Variants in DMD observed in about 807,000 individuals in gnomAD.
The protein encoded by DMD is mutant dystrophin.
In DMD, 63 loss-of-function variants were observed where a neutral mutation model predicts 330.1. The observed-to-expected ratio is 0.19, with a 90% CI of 0.16 to 0.24. The LOEUF (loss-of-function observed/expected upper bound fraction) is 0.24, where lower values mean the gene tolerates loss of function less well. DMD is among the 10% of genes least tolerant of loss of function. The probability of loss-of-function intolerance (pLI) is 1.00; values close to 1 mark genes in which losing one functional copy is unlikely to be tolerated. For missense variants in DMD, 3,344 were observed against 2,684.1 expected (o/e 1.25, Z -5.43); for synonymous variants, 1,223 against 959.8 (o/e 1.27, Z -5.07).
intron 7 of DMD, among the ~76,000 whole-genome samples, chrX:32,757,457 G>C (rs1009657262): frequency 3.2e-4 from 36 of 111,306 alleles, no homozygotes; most frequent in African/African-American, 1.1e-3. Context: ...TGGTTTGGTT[G>C]TTTCTTCCCC....
chrX:31,471,963 G>T (rs751546039), intron 59 of DMD, among the ~76,000 whole-genome samples: 4 of 111,790 alleles, frequency 3.6e-5, no homozygotes, highest in African/African-American at 1.3e-4. Flanking sequence ...TAAAACCCTG[G>T]TTACTCCAAA....
At chrX:32,906,223 C>G (rs1447341185) in intron 2 of DMD, among the ~76,000 whole-genome samples, 1 of 111,063 alleles carries the variant, frequency 9.0e-6, no homozygotes, top group Non-Finnish European at 1.9e-5. Flanking sequence ...TGGGCTCTCA[C>G]GAGATCTGGT....
intron 2 of DMD, among the ~76,000 whole-genome samples, chrX:32,887,689 T>C (rs1464648065): frequency 1.1e-5 from 1 of 88,399 alleles, no homozygotes; most frequent in Non-Finnish European, 2.1e-5. Flanking sequence ...TGGAGGTTGC[T>C]GTGAGCCTAG....
At chrX:33,280,788 A>G (rs749975206) in intron 1 of DMD, among the ~76,000 whole-genome samples, 21 of 112,259 alleles carry the variant, frequency 1.9e-4, no homozygotes, top group Non-Finnish European at 3.6e-4. Flanking sequence ...TTTCACTGAT[A>G]TATGAGTCTG....
At chrX:32,807,626 A>G (rs2077055062) in intron 7 of DMD, among the ~76,000 whole-genome samples, 1 of 111,524 alleles carries the variant, frequency 9.0e-6, no homozygotes, top group Admixed American at 9.5e-5. Flanking sequence ...TATAAAATAC[A>G]CTATTCATGT....
intron 47 of DMD, among the ~76,000 whole-genome samples, chrX:31,894,366 C>T (rs1414614712): frequency 2.7e-5 from 3 of 111,565 alleles, no homozygotes; most frequent in African/African-American, 9.8e-5. Flanking sequence ...ATGGGCTTTG[C>T]GAGTGGGGCT....
chrX:32,805,229 G>A (rs754505711), intron 7 of DMD, among the ~76,000 whole-genome samples: 4 of 111,682 alleles, frequency 3.6e-5, no homozygotes, highest in Non-Finnish European at 5.6e-5. Flanking sequence ...AAGGTTAGAG[G>A]AGTTGCTAAC....
intron 9 of DMD, among the ~76,000 whole-genome samples, chrX:32,673,731 C>CA (rs2061781245): frequency 8.9e-6 from 1 of 112,050 alleles, no homozygotes; most frequent in African/African-American, 3.2e-5. Context: ...AAGATATACT[C>CA]AAAGATTGGC....
intron 43 of DMD, among the ~76,000 whole-genome samples, chrX:32,286,704 G>A (rs945763655): frequency 1.8e-5 from 2 of 111,624 alleles, no homozygotes; most frequent in Non-Finnish European, 3.8e-5. Flanking sequence ...CTCTTTAGGT[G>A]CCTGATGTAG....
rs772084133 is a variant in DMD, at chrX:32,733,344, G to C, written c.650-34051C>G. ...CTTTAACACCCCACTGTCAACATTA[G>C]ACAGATCAACGAGACAGAAAGCCAA... On this transcript the variant is annotated intron_variant, in intron 7 of 78. Transcript: ENST00000357033. Among the ~76,000 whole-genome samples the C allele has an allele frequency of 5.5e-5, 6 of 109,505 alleles. No individual in the cohort carries two copies. The South Asian group carries it at 2.4e-3, about 44-fold the overall frequency.
intron 7 of DMD, among the ~76,000 whole-genome samples, chrX:32,728,319 C>T (rs1223663001): frequency 1.8e-5 from 2 of 111,682 alleles, no homozygotes; most frequent in African/African-American, 6.5e-5. Flanking sequence ...GAGATTTAAA[C>T]AAAAATACAA....
intron 16 of DMD, among the ~76,000 whole-genome samples, chrX:32,560,536 C>G (rs1286747774): frequency 9.1e-6 from 1 of 110,131 alleles, no homozygotes; most frequent in Non-Finnish European, 1.9e-5. Context: ...CACCTACAGA[C>G]CCATTAGGTA....
At chrX:32,368,583 C>A (rs1469350967) in intron 34 of DMD, among the ~76,000 whole-genome samples, 1 of 111,903 alleles carries the variant, frequency 8.9e-6, no homozygotes, top group Non-Finnish European at 1.9e-5. Flanking sequence ...TCCCACAACA[C>A]AAGAATGTCT....
intron 54 of DMD, among the ~76,000 whole-genome samples, chrX:31,648,698 T>C (rs2080259394): frequency 1.2e-5 from 1 of 81,494 alleles, no homozygotes; most frequent in Admixed American, 1.5e-4. Flanking sequence ...ACTGATTAAA[T>C]GACATCCCTT....
chrX:32,846,135 G>T (rs773841447), intron 3 of DMD, among the ~76,000 whole-genome samples: 1 of 111,884 alleles, frequency 8.9e-6, no homozygotes, highest in Non-Finnish European at 1.9e-5. Context: ...TATTGACTTC[G>T]TAGTATGTGC....
intron 42 of DMD, among the ~76,000 whole-genome samples, chrX:32,307,408 A>G (rs113527186): frequency 1.2e-3 from 138 of 111,631 alleles, no homozygotes; most frequent in African/African-American, 4.2e-3. Flanking sequence ...CGGGGGATGC[A>G]GAACTTTAAC....
At chrX:31,994,150 C>T (rs1490498312) in intron 44 of DMD, among the ~76,000 whole-genome samples, 1 of 111,624 alleles carries the variant, frequency 9.0e-6, no homozygotes, top group Non-Finnish European at 1.9e-5. Flanking sequence ...AAACCTGGCA[C>T]CTTTAAATCT....
At chrX:31,362,493 A>G (rs2058990145) in intron 60 of DMD, among the ~76,000 whole-genome samples, 1 of 112,748 alleles carries the variant, frequency 8.9e-6, no homozygotes, top group African/African-American at 3.2e-5. Context: ...CCATCCCAAG[A>G]TATCTCATGA....
chrX:31,255,332 C>G (rs955972729), intron 63 of DMD, among the ~76,000 whole-genome samples: 1 of 111,270 alleles, frequency 9.0e-6, no homozygotes, highest in African/African-American at 3.3e-5. Flanking sequence ...TTTTAAATCA[C>G]CAAGCTAACC....
Sources: allele counts gnomAD v4.1 joint callset (sites outside exome capture counted in the v4.1 genomes callset), GRCh38; gene constraint gnomAD v4.1.1; transcripts MANE v1.5; gene names NCBI Gene and HGNC (gene_info 2026-07-23, HGNC 2026-07-21).